The following IWS1 variants were observed in gnomAD, a reference collection of about 807,000 sequenced individuals.
The protein encoded by IWS1 is protein IWS1 homolog.
A neutral mutation model predicts 86.7 loss-of-function variants in IWS1; 27 were observed. That is an observed-to-expected ratio of 0.31 (90% CI 0.23 to 0.43). IWS1 has a LOEUF of 0.43. IWS1 is among the 20% of genes least tolerant of loss of function. IWS1 has a pLI of 1.00. For missense variants in IWS1, 827 were observed against 1,000.8 expected, an observed-to-expected ratio of 0.83 and a Z score of 2.34; for synonymous variants, 313 against 335.1, an observed-to-expected ratio of 0.93 and a Z score of 0.72.
Position 127,503,669 on chromosome 2 carries a change from AAAATAAATAAAT to A in IWS1, c.1220-105_1220-94del, listed in dbSNP as rs3033265. 4.2e-4 allele frequency: 119 copies of A among 285,272 alleles called. 1 individual carries two copies. The highest frequency in any genetic ancestry group is 9.5e-4 in the Admixed American group (18 of 18,998). 17.7% of individuals were successfully genotyped at this position (285,272 alleles called of 1,614,324 possible). On this transcript the variant is annotated intron_variant, in intron 3 of 13. Coordinates refer to ENST00000295321, the MANE Select transcript of IWS1 (RefSeq NM_017969.3). Reference sequence around the variant, plus strand: ...TGCTTTAAGATGGCAGTATACAGCAAAAATAAATAAATAAATAAATAAATAAATAAATAAATA... The same window carrying A: ...TGCTTTAAGATGGCAGTATACAGCAAAAATAAATAAATAAATAAATAAATA...
chr2:127,518,467 T>C (rs1307896741), intron 2 of IWS1, among the ~76,000 whole-genome samples: 1 of 152,100 alleles, frequency 6.6e-6, no homozygotes, highest in Non-Finnish European at 1.5e-5. Context: ...TGAGCTGTGA[T>C]TGTGCCACTA....
chr2:127,526,153 G>T, intron 1 of IWS1, 22 bp downstream of exon 1: 1 of 1,591,184 alleles, frequency 6.3e-7, no homozygotes, highest in Non-Finnish European at 8.6e-7. Flanking sequence ...TCCCAGCCCG[G>T]TCCCCCAGGT....
intron 12 of IWS1, among the ~76,000 whole-genome samples, chr2:127,487,624 C>T (rs955911884): frequency 1.3e-5 from 2 of 152,176 alleles, no homozygotes; most frequent in African/African-American, 4.8e-5. Flanking sequence ...AATCTCAGCT[C>T]ACCGCGAGCT....
intron 5 of IWS1, among the ~76,000 whole-genome samples, chr2:127,500,785 T>C (rs1195396006): frequency 1.3e-5 from 2 of 152,210 alleles, no homozygotes; most frequent in South Asian, 2.1e-4. Context: ...CCTTGTCCTA[T>C]AGTTCTTTCT....
chr2:127,503,386 C>A lies in IWS1; in HGVS notation c.1409+1G>T. ...AAAACTCATGTTATACTGTCACTTACTCTTCTTCATTGCCTGACTCACTGT... is the reference window on the plus strand; with the variant it reads ...AAAACTCATGTTATACTGTCACTTAATCTTCTTCATTGCCTGACTCACTGT... On this transcript the variant is annotated splice_donor_variant, in intron 4 of 13. Transcript: ENST00000295321. LOFTEE classifies it high-confidence loss of function. The A allele has an allele frequency of 1.2e-6, 2 of 1,608,346 alleles. No homozygotes were observed. Among genetic ancestry groups the A allele is most frequent in the Non-Finnish European group, 1.7e-6 (2 of 1,176,902 alleles).
intron 2 of IWS1, among the ~76,000 whole-genome samples, chr2:127,519,541 A>T (rs1691971300): frequency 6.6e-6 from 1 of 151,586 alleles, no homozygotes; most frequent in Non-Finnish European, 1.5e-5. Context: ...TTTAAAAAAA[A>T]TACTAGCCTA....
At chr2:127,498,399 G>T (rs1381187576) in intron 5 of IWS1, among the ~76,000 whole-genome samples, 162 bp from the exon 6 acceptor site, 1 of 152,132 alleles carries the variant, frequency 6.6e-6, no homozygotes, top group East Asian at 1.9e-4. Context: ...GTGTTACTAG[G>T]TTTCTTGTGT....
chr2:127,526,637 T>G (rs1362705967), upstream of IWS1: 12 of 1,327,614 alleles, frequency 9.0e-6, no homozygotes, highest in African/African-American at 4.5e-5. Context: ...GTTAAATACC[T>G]TCCTCGGGTG....
chr2:127,509,111 T>C (rs978093146), intron 2 of IWS1, among the ~76,000 whole-genome samples: 23 of 152,204 alleles, frequency 1.5e-4, no homozygotes, highest in Admixed American at 7.8e-4. Context: ...ACTAGTTTAA[T>C]AGACTCGAGC....
At chr2:127,497,250 TA>T (rs1338204422) in intron 6 of IWS1, among the ~76,000 whole-genome samples, 2 of 152,256 alleles carry the variant, frequency 1.3e-5, no homozygotes, top group Non-Finnish European at 2.9e-5. Context: ...TCATGCACTA[TA>T]TTCACACTTG....
At chr2:127,484,358 ATATT>A (rs1392364002) in intron 13 of IWS1, 2 of 152,238 alleles carry the variant, frequency 1.3e-5, no homozygotes, top group East Asian at 1.9e-4. Flanking sequence ...TTTATTTTTT[ATATT>A]TATTTACATA....
At chr2:127,490,763 T>C (rs924631329) in intron 10 of IWS1, 13 of 152,322 alleles carry the variant, frequency 8.5e-5, no homozygotes, top group African/African-American at 3.1e-4. Context: ...AAAAATAAAG[T>C]TGCAAACTAC....
intron 7 of IWS1, 115 bp from the exon 8 acceptor site, chr2:127,495,069 C>A: frequency 1.6e-6 from 1 of 632,976 alleles, no homozygotes; most frequent in Non-Finnish European, 2.6e-6. Context: ...ATTTTTCCTA[C>A]AAGAAAGAAT....
chr2:127,485,415 A>G (rs1410330107), intron 13 of IWS1, among the ~76,000 whole-genome samples: 1 of 152,156 alleles, frequency 6.6e-6, no homozygotes, highest in African/African-American at 2.4e-5. Flanking sequence ...CCACATTTTG[A>G]GTATGTGTTA....
Position 127,499,826 on chromosome 2 carries a change from A to G in IWS1, c.1468-1589T>C, listed in dbSNP as rs1690709500. 6.6e-6 allele frequency among the ~76,000 whole-genome samples: 1 copy of G among 152,128 alleles called. No individual in the cohort carries two copies. Among genetic ancestry groups the G allele is most frequent in the African/African-American group, 2.4e-5 (1 of 41,418 alleles). On this transcript the variant is annotated intron_variant, in intron 5 of 13. Transcript: ENST00000295321. This position sits in a 1 kb window ranked among gnomAD's most constrained non-coding sequence, Gnocchi z 4.0. ...CAAACAGATTGGAAAATATATACAG[A>G]CACTTGATATATGACAAAGATGGCA... is the stretch of plus-strand genomic sequence containing the variant.
chr2:127,521,724 G>C (rs1573571895), intron 2 of IWS1, among the ~76,000 whole-genome samples: 1 of 152,202 alleles, frequency 6.6e-6, no homozygotes, highest in Non-Finnish European at 1.5e-5. Flanking sequence ...TACAGCACTT[G>C]CAACATCGCA....
chr2:127,508,940 T>C (rs941501088), intron 2 of IWS1, among the ~76,000 whole-genome samples: 1 of 152,162 alleles, frequency 6.6e-6, no homozygotes, highest in Non-Finnish European at 1.5e-5. Context: ...TCCTGACACA[T>C]GGTGTAGCAT....
At chr2:127,519,372 T>C (rs1691961352) in intron 2 of IWS1, among the ~76,000 whole-genome samples, 1 of 151,840 alleles carries the variant, frequency 6.6e-6, no homozygotes, top group African/African-American at 2.4e-5. Flanking sequence ...TTTTTTTTAA[T>C]AACTAAAGGA....
intron 2 of IWS1, among the ~76,000 whole-genome samples, chr2:127,519,522 T>A (rs1319170274): frequency 6.6e-6 from 1 of 151,400 alleles, no homozygotes; most frequent in Non-Finnish European, 1.5e-5. Flanking sequence ...ATACTATAGG[T>A]GAAATGAATT....
Sources: gnomAD v4.1 joint callset for allele counts (sites outside exome capture counted in the v4.1 genomes callset) on GRCh38, gnomAD v4.1.1 for gene constraint, Gnocchi (gnomAD v3.1) non-coding constraint, MANE v1.5 for transcripts, NCBI Gene and HGNC (gene_info 2026-07-23, HGNC 2026-07-21) for gene names.